The following CDH23 variants were observed in gnomAD, a reference collection of about 807,000 sequenced individuals.
CDH23 encodes cadherin related 23.
Under a neutral mutation model 317.1 loss-of-function variants are expected in CDH23, and 189 were observed. The ratio of observed to expected loss-of-function variants is 0.60; its 90% CI spans 0.53 to 0.67. The LOEUF (loss-of-function observed/expected upper bound fraction) is 0.67, where lower values mean the gene tolerates loss of function less well. Among genes scored for constraint, CDH23 ranks in the 30% least tolerant of loss-of-function variants. The pLI is 0.00. For missense variants in CDH23, 4,401 were observed against 4,592.4 expected, an observed-to-expected ratio of 0.96 and a Z score of 1.20; for synonymous variants, 1,839 against 1,876.8, an observed-to-expected ratio of 0.98 and a Z score of 0.52.
chr10:71,712,682 A>G lies in CDH23; in HGVS notation c.3238A>G (p.Lys1080Glu), dbSNP rs1163954428. 6.2e-7 allele frequency: 1 copy of G among 1,613,692 alleles called. No homozygotes were observed. The highest frequency in any genetic ancestry group is 8.5e-7 in the Non-Finnish European group (1 of 1,179,890). ...LEAIDNGPVG[K>E]RHTGTATVFV... ...TCCCACAGACAACGGCCCTGTAGGG[A>G]AGCGACACACGGGCACAGCCACCGT... Residue 1080 changes from lysine (K) to glutamate (E), a missense_variant, in exon 28 of 70, where the codon AAG becomes GAG. Lys to Glu is a moderately conservative substitution (Grantham distance 56). Transcript: ENST00000224721.
intron 3 of CDH23, among the ~76,000 whole-genome samples, chr10:71,471,579 A>T (rs1423803626): frequency 6.6e-6 from 1 of 151,824 alleles, no homozygotes; most frequent in East Asian, 1.9e-4. Context: ...CCTGGACTCC[A>T]GTTGCGTGGA....
At chr10:71,758,762 T>G (rs1434277125) in intron 38 of CDH23, among the ~76,000 whole-genome samples, 1 of 152,172 alleles carries the variant, frequency 6.6e-6, no homozygotes, top group Non-Finnish European at 1.5e-5. Flanking sequence ...GCATGGTGGC[T>G]CACACCTGTA....
Position 71,809,823 on chromosome 10 carries a change from G to A in CDH23, c.8726G>A (p.Ser2909Asn), listed in dbSNP as rs397517361. 4 of 1,611,786 alleles carry A rather than the reference G, an allele frequency of 2.5e-6. No homozygotes were observed. In the East Asian group the frequency reaches 8.9e-5, roughly 36 times the overall value. The change falls in exon 61 of 70, where the codon AGC (serine) becomes AAC (asparagine). Residue 2909 changes from serine (S) to asparagine (N), a missense_variant. By Grantham distance (46) the Ser-to-Asn change is conservative. This residue lies in a region of CDH23 where 1,144 missense variants were observed against 1,138.2 expected (regional missense o/e 1.01). Transcript: ENST00000224721. ...EDVGQVFTMG[S>N]MDGILRTFDL... is the part of the protein sequence containing the mutation. The stretch of plus-strand genomic sequence containing the variant: ...CCCGCCTTTGGGCTTCCTGCAGGGA[G>A]CATGGACGGCATTCTGCGCACCTTC...
At chr10:71,633,109 TTAACCCATTAATCCAC>T (rs1290359717) in intron 11 of CDH23, among the ~76,000 whole-genome samples, 1 of 151,968 alleles carries the variant, frequency 6.6e-6, no homozygotes, top group Non-Finnish European at 1.5e-5. Flanking sequence ...CATTAATCCA[TTAACCCATTAATCCAC>T]TAATCCATGA....
At position 71,803,262 on chromosome 10, in the gene CDH23, C is replaced by T. The variant is rs867364295; in HGVS notation, c.7714C>T (p.Gln2572Ter). 2 of 1,595,150 alleles carry T rather than the reference C, an allele frequency of 1.3e-6. No homozygotes were observed. The highest frequency in any genetic ancestry group is 1.3e-5 in the African/African-American group (1 of 74,566). The change falls in exon 55 of 70, where the codon CAG becomes TAG. Residue 2572 changes from glutamine to a stop codon, truncating the protein, a stop_gained. Transcript: ENST00000224721. LOFTEE classifies it high-confidence loss of function. ...SGLVTTQRPL[Q>*]SYEKFSLTVV... is the part of the protein sequence containing the mutation. ...CTTGGTGACCACACAGCGGCCACTG[C>T]AGTCCTACGAGAAGTTCAGTCTGAC... is the stretch of plus-strand genomic sequence containing the variant.
intron 6 of CDH23, among the ~76,000 whole-genome samples, chr10:71,515,372 TCTCTCTCTCTCTCTCTCTCTCTCA>T (rs2132214704): frequency 9.3e-6 from 1 of 107,332 alleles, no homozygotes; most frequent in East Asian, 2.6e-4. Flanking sequence ...TCTCTCTCTC[TCTCTCTCTCTCTCTCTCTCTCTCA>T]CACACACACA....
chr10:71,766,155 G>A (rs1343841098), intron 38 of CDH23, among the ~76,000 whole-genome samples: 4 of 152,250 alleles, frequency 2.6e-5, no homozygotes, highest in Non-Finnish European at 5.9e-5. Flanking sequence ...TTTGGCGAGA[G>A]GATGTTGCTT....
intron 11 of CDH23, among the ~76,000 whole-genome samples, chr10:71,626,507 C>A (rs933775899): frequency 1.3e-5 from 2 of 152,124 alleles, no homozygotes; most frequent in East Asian, 3.8e-4. Context: ...AAATGTACAC[C>A]CCAGCATCTG....
intron 14 of CDH23, among the ~76,000 whole-genome samples, chr10:71,650,867 T>A (rs1863134996): frequency 6.6e-6 from 1 of 152,242 alleles, no homozygotes; most frequent in Admixed American, 6.5e-5. Flanking sequence ...GCCTGGCCAG[T>A]GTCTGGGGCC....
chr10:71,601,447 C>T (rs146345237), intron 9 of CDH23, among the ~76,000 whole-genome samples: 18 of 152,304 alleles, frequency 1.2e-4, no homozygotes, highest in East Asian at 5.8e-4. Flanking sequence ...GTTAAAGAAA[C>T]GCAAGCCCAG....
rs538481310 is a variant in CDH23 at position 71,715,948 on chromosome 10, A to G, written c.3369+3135A>G. ...TGTGGACACCCCATTACATCTTGGTAGATTCCATGTAGTCACAGTGGCTGC... is the reference window on the plus strand; with the variant it reads ...TGTGGACACCCCATTACATCTTGGTGGATTCCATGTAGTCACAGTGGCTGC... On this transcript the variant is annotated intron_variant, in intron 28 of 69. Transcript: ENST00000224721. The G allele has an allele frequency of 4.8e-5, 71 of 1,469,610 alleles. No homozygotes were observed. The East Asian group carries it at 1.8e-3, about 37-fold the overall frequency. The allele number at this position is 1,469,610 out of a possible 1,614,324, so 91.0% of individuals were successfully genotyped here. A position where few individuals can be genotyped will look rare whatever the true frequency, so the allele number is the denominator to read the frequency against.
chr10:71,741,207 AC>A (rs1035512495), intron 37 of CDH23, among the ~76,000 whole-genome samples: 14 of 152,120 alleles, frequency 9.2e-5, no homozygotes, highest in African/African-American at 3.4e-4. Context: ...ACTGAGGTTT[AC>A]CCCGGGAGCT....
intron 9 of CDH23, among the ~76,000 whole-genome samples, chr10:71,580,562 C>T (rs143735743): frequency 2.0e-5 from 3 of 152,206 alleles, no homozygotes; most frequent in African/African-American, 7.2e-5. Flanking sequence ...GATCATGGAA[C>T]CAAATAGGCT....
rs182523356 is a variant in CDH23, at chr10:71,471,896, G to A, written c.145+25501G>A. 7.4e-3 allele frequency among the ~76,000 whole-genome samples: 1,126 copies of A among 152,232 alleles called. 17 individuals carry two copies. The highest frequency in any genetic ancestry group is 0.043 in the Admixed American group (657 of 15,298). On this transcript the variant is annotated intron_variant, in intron 3 of 69. Coordinates refer to ENST00000224721, the MANE Select transcript of CDH23 (RefSeq NM_022124.6). ...AGCTTAGCATGTACACACATCCTAC[G>A]TGGAAACCATCTGTTTATATGCTTA...
intron 3 of CDH23, among the ~76,000 whole-genome samples, chr10:71,501,577 G>A (rs1853336831): frequency 6.6e-6 from 1 of 152,190 alleles, no homozygotes; most frequent in Non-Finnish European, 1.5e-5. Context: ...TGAAGCCTAA[G>A]ATGAAGAAAA....
At chr10:71,627,283 C>G (rs1204655838) in intron 11 of CDH23, among the ~76,000 whole-genome samples, 3 of 152,192 alleles carry the variant, frequency 2.0e-5, no homozygotes, top group Non-Finnish European at 4.4e-5. Context: ...CAAAGCCACT[C>G]TGGAAGAGAA....
intron 21 of CDH23, 111 bp downstream of exon 21, chr10:71,694,370 A>G: frequency 1.2e-6 from 1 of 823,828 alleles, no homozygotes; most frequent in Non-Finnish European, 1.9e-6. Flanking sequence ...CTTTGTGAGA[A>G]TGAGCAAGGG....
intron 38 of CDH23, chr10:71,753,744 A>T (rs1840064339): frequency 4.4e-6 from 2 of 456,138 alleles, no homozygotes; most frequent in Admixed American, 4.7e-5. Flanking sequence ...TTTTAAGGAG[A>T]TTTACTGCTG....
intron 38 of CDH23, among the ~76,000 whole-genome samples, chr10:71,770,350 C>T (rs1840658483): frequency 6.6e-6 from 1 of 152,208 alleles, no homozygotes; most frequent in Non-Finnish European, 1.5e-5. Flanking sequence ...ATAACTTGTC[C>T]AATATCACAG....
Sources: allele counts gnomAD v4.1 joint callset (sites outside exome capture counted in the v4.1 genomes callset), GRCh38; gene constraint gnomAD v4.1.1; regional missense constraint gnomAD v4.1.1; transcripts MANE v1.5; gene names NCBI Gene and HGNC (gene_info 2026-07-23, HGNC 2026-07-21).